KDM5A: variants seen among roughly 807,000 people sequenced by gnomAD.
The protein encoded by KDM5A is lysine demethylase 5A.
KDM5A carries 42 observed loss-of-function variants against 193.5 expected under a neutral mutation model. The observed-to-expected ratio is 0.22, with a 90% CI of 0.17 to 0.28. The LOEUF (loss-of-function observed/expected upper bound fraction) is 0.28, where lower values mean the gene tolerates loss of function less well. Ranked by LOEUF, KDM5A falls within the 10% of genes least tolerant of loss-of-function variation. KDM5A has a pLI of 1.00. For missense variants in KDM5A, 1,692 were observed against 2,055.1 expected (o/e 0.82, Z 3.42); for synonymous variants, 796 against 718.1 (o/e 1.11, Z -1.73).
At chr12:321,241 T>C (rs1048247920) in intron 17 of KDM5A, 132 bp from the exon 18 acceptor site, 3 of 696,512 alleles carry the variant, frequency 4.3e-6, no homozygotes, top group African/African-American at 1.8e-5. Flanking sequence ...AACACCACAA[T>C]GGTGACCACT....
At chr12:326,339 AC>A (rs1262639074) in intron 14 of KDM5A, among the ~76,000 whole-genome samples, 1 of 152,216 alleles carries the variant, frequency 6.6e-6, no homozygotes, top group Non-Finnish European at 1.5e-5. Flanking sequence ...AAGACTTAAG[AC>A]CCTTAGATGA....
In KDM5A at chr12:334,390, GT is replaced by G; in HGVS notation, c.1340del (p.Asn447ThrfsTer20). 6.2e-7 allele frequency: 1 copy of G among 1,613,918 alleles called. No individual in the cohort carries two copies. Among genetic ancestry groups the G allele is most frequent in the South Asian group, 1.1e-5 (1 of 91,082 alleles). ...GAACAGACTGTTCCAGGACAGGCAT[GT>G]TATTCAAATTCCAACCAGAAAGTGC... ...EYALSGWNLNNMPVLEQSVLA... is the reference protein window; with the variant it reads ...EYALSGWNLNXMPVLEQSVLA... On this transcript the variant is annotated frameshift_variant, in exon 11 of 28. Transcript: ENST00000399788. LOFTEE classifies it high-confidence loss of function.
At chr12:386,626 C>T (rs1164763885) in intron 1 of KDM5A, among the ~76,000 whole-genome samples, 1 of 152,106 alleles carries the variant, frequency 6.6e-6, no homozygotes, top group African/African-American at 2.4e-5. Context: ...GCAGGAGGAT[C>T]GCTTGAGCCC....
At chr12:291,269 G>A (rs1943290357) in intron 27 of KDM5A, among the ~76,000 whole-genome samples, 1 of 152,080 alleles carries the variant, frequency 6.6e-6, no homozygotes, top group African/African-American at 2.4e-5. Flanking sequence ...TTAGACTATA[G>A]GATATATATT....
Position 292,959 on chromosome 12 carries a change from C to T in KDM5A, c.4666G>A (p.Ala1556Thr). The change falls in exon 27 of 28, where the codon GCA becomes ACA. Residue 1556 changes from alanine to threonine, a missense_variant. By Grantham distance (58) the Ala-to-Thr change is moderately conservative (BLOSUM62 0). Transcript: ENST00000399788. ...TTTTTCTTTCTCTCTTCTTCTTTTG[C>T]TAGTTTCTTGGCCAGTTTATTCAGC... ...KELNKLAKKL[A>T]KEEERKKKKE... 1 of 1,613,224 alleles carries T rather than the reference C, an allele frequency of 6.2e-7. No individual in the cohort carries two copies. Among genetic ancestry groups the T allele is most frequent in the East Asian group, 2.2e-5 (1 of 44,880 alleles).
intron 3 of KDM5A, among the ~76,000 whole-genome samples, chr12:375,930 T>C (rs909298865): frequency 2.1e-4 from 32 of 152,214 alleles, no homozygotes; most frequent in Non-Finnish European, 4.3e-4. Flanking sequence ...TGCCTGATCC[T>C]TCCTCTGGAA....
chr12:332,917 A>G (rs1170952231), intron 12 of KDM5A, among the ~76,000 whole-genome samples: 1 of 152,220 alleles, frequency 6.6e-6, no homozygotes, highest in Admixed American at 6.5e-5. Context: ...GTAGGATGTA[A>G]TATTTACTGA....
chr12:320,268 G>A (rs779558164), intron 18 of KDM5A, among the ~76,000 whole-genome samples: 7 of 152,150 alleles, frequency 4.6e-5, no homozygotes, highest in Non-Finnish European at 7.4e-5. Flanking sequence ...AGGCCGAGGC[G>A]CGTGGACCAC....
In KDM5A at chr12:307,767, T is replaced by G. The variant is rs1207791445; in HGVS notation, c.3617A>C (p.Lys1206Thr). 3 of 1,614,226 alleles carry G rather than the reference T, an allele frequency of 1.9e-6. No homozygotes were observed. The highest frequency in any genetic ancestry group is 1.7e-6 in the Non-Finnish European group (2 of 1,180,042). ...AAGAGGGCAAAGGAATTTTACTTCT[T>G]TAGCTTGCCAGCTGGATCCTTTTTT... ...SQKKGSSWQAKEVKFLCPLCM... is the reference protein window; with the variant it reads ...SQKKGSSWQATEVKFLCPLCM... The change falls in exon 23 of 28, where the codon AAA (lysine) becomes ACA (threonine). Residue 1206 changes from lysine to threonine, a missense_variant. Coordinates refer to ENST00000399788, the MANE Select transcript of KDM5A (RefSeq NM_001042603.3). This position sits in a 1 kb window ranked among gnomAD's most constrained non-coding sequence, Gnocchi z 4.3.
chr12:310,699 T>C (rs1302534078), intron 21 of KDM5A, among the ~76,000 whole-genome samples, 186 bp downstream of exon 21: 3 of 152,162 alleles, frequency 2.0e-5, no homozygotes, highest in African/African-American at 7.2e-5. Flanking sequence ...GACTGCTTTT[T>C]CTAGGGACAG....
At chr12:356,391 T>C (rs1421035552) in intron 6 of KDM5A, 41 bp downstream of exon 6, 3 of 1,202,708 alleles carry the variant, frequency 2.5e-6, no homozygotes, top group East Asian at 2.3e-5. Flanking sequence ...TACAATCATA[T>C]TCTACCTTAT....
chr12:352,498 A>G (rs183361117), intron 8 of KDM5A, among the ~76,000 whole-genome samples, 174 bp from the exon 9 acceptor site: 38 of 152,350 alleles, frequency 2.5e-4, no homozygotes, highest in Admixed American at 1.1e-3. Flanking sequence ...GTTATTTTCT[A>G]GAGCCTCAAC....
chr12:387,191 AATAACAGT>A (rs1212926277), intron 1 of KDM5A: 1 of 344,174 alleles, frequency 2.9e-6, no homozygotes, highest in Non-Finnish European at 5.5e-6. Context: ...TAAATAACAG[AATAACAGT>A]AAACCTATTT....
chr12:341,385 TTCTC>T (rs1377141687), intron 10 of KDM5A, among the ~76,000 whole-genome samples: 1 of 152,220 alleles, frequency 6.6e-6, no homozygotes, highest in East Asian at 1.9e-4. Context: ...GTTATAATCA[TTCTC>T]TTTCTCCCTT....
intron 3 of KDM5A, among the ~76,000 whole-genome samples, chr12:370,191 G>A (rs1225171991): frequency 6.6e-6 from 1 of 152,130 alleles, no homozygotes; most frequent in African/African-American, 2.4e-5. Flanking sequence ...TCGAGAGTTC[G>A]AAACCAGCCT....
In KDM5A at chr12:285,298, G is replaced by T. The variant is rs563366953; in HGVS notation, c.*158C>A. On this transcript the variant is annotated 3_prime_UTR_variant, in exon 28 of 28. Coordinates refer to ENST00000399788, the MANE Select transcript of KDM5A (RefSeq NM_001042603.3). ...ATGTTGATAGAGAATGTAACCCACA[G>T]AGTCCATGCAAAGAGGAAGCCAGCA... is the stretch of plus-strand genomic sequence containing the variant. 6.2e-6 allele frequency: 4 copies of T among 648,058 alleles called. No homozygotes were observed. The highest frequency in any genetic ancestry group is 1.1e-5 in the Non-Finnish European group (4 of 361,592). The allele number at this position is 648,058 out of a possible 1,614,324, so 40.1% of individuals were successfully genotyped here.
At chr12:294,971 T>C (rs1045389477) in intron 26 of KDM5A, among the ~76,000 whole-genome samples, 16 of 152,190 alleles carry the variant, frequency 1.1e-4, no homozygotes, top group African/African-American at 3.6e-4. Context: ...GTGTGATATA[T>C]GAATGTGGAC....
intron 3 of KDM5A, among the ~76,000 whole-genome samples, chr12:367,698 T>A (rs1213479519): frequency 1.3e-5 from 2 of 148,290 alleles, no homozygotes; most frequent in African/African-American, 5.1e-5. Flanking sequence ...TGAGACTCCA[T>A]CTCCGAAAAA....
At chr12:354,907 G>C (rs189292717) in intron 7 of KDM5A, among the ~76,000 whole-genome samples, 1 of 152,052 alleles carries the variant, frequency 6.6e-6, no homozygotes, top group African/African-American at 2.4e-5. Flanking sequence ...AGAACTCAAC[G>C]ACTTACACAG....
Sources: gnomAD v4.1 joint callset for allele counts (sites outside exome capture counted in the v4.1 genomes callset) on GRCh38, gnomAD v4.1.1 for gene constraint, Gnocchi (gnomAD v3.1) non-coding constraint, MANE v1.5 for transcripts, NCBI Gene and HGNC (gene_info 2026-07-23, HGNC 2026-07-21) for gene names.